Variants in TMEM52B observed in about 807,000 individuals in gnomAD.
TMEM52B encodes chromosome 12 open reading frame 59.
Under a neutral mutation model 16.1 loss-of-function variants are expected in TMEM52B, and 11 were observed. The observed-to-expected ratio is 0.68, with a 90% confidence interval of 0.43 to 1.13. The LOEUF is 1.13. TMEM52B is among the 50% of genes most tolerant of loss of function. The pLI is 0.00. For missense variants in TMEM52B, 243 were observed against 230.4 expected, an observed-to-expected ratio of 1.05 and a Z score of -0.35; for synonymous variants, 101 against 93.8, an observed-to-expected ratio of 1.08 and a Z score of -0.45.
rs1017834055 is a variant in TMEM52B at position 10,179,691 on chromosome 12, A to G, written c.54+63A>G. 7.5e-6 allele frequency: 12 copies of G among 1,600,516 alleles called. No homozygotes were observed. In the Admixed American group the frequency reaches 2.0e-4, roughly 27 times the overall value. ...CCCCAGATTAATCAACTCTCAGAAG[A>G]GTCTGAAAGGAAATGAACTGCGGGG... On this transcript the variant is annotated intron_variant, in intron 1 of 4. Transcript: ENST00000543484.
At chr12:10,184,982 G>C (rs951824903) in intron 2 of TMEM52B, among the ~76,000 whole-genome samples, 1 of 152,088 alleles carries the variant, frequency 6.6e-6, no homozygotes, top group Non-Finnish European at 1.5e-5. Flanking sequence ...AAAGTGCTGG[G>C]ATTACAGGCA....
At chr12:10,188,407 C>T (rs569893781) in intron 4 of TMEM52B, among the ~76,000 whole-genome samples, 5 of 150,556 alleles carry the variant, frequency 3.3e-5, no homozygotes, top group Non-Finnish European at 7.4e-5. Flanking sequence ...TTCAGTGAGC[C>T]GAGATGGCGC....
At position 10,179,680 on chromosome 12, in the gene TMEM52B, A is replaced by G. The variant is rs749434497; in HGVS notation, c.54+52A>G. The G allele has an allele frequency of 1.3e-5, 21 of 1,606,004 alleles. No individual in the cohort carries two copies. In the Admixed American group the frequency reaches 2.3e-4, roughly 18 times the overall value. ...AGAGTATTTTTCCCCAGATTAATCAACTCTCAGAAGAGTCTGAAAGGAAAT... is the reference window on the plus strand; with the variant it reads ...AGAGTATTTTTCCCCAGATTAATCAGCTCTCAGAAGAGTCTGAAAGGAAAT... On this transcript the variant is annotated intron_variant, in intron 1 of 4. Transcript: ENST00000543484.
chr12:10,185,197 T>C (rs1302203634), intron 2 of TMEM52B, 133 bp from the exon 3 acceptor site: 1 of 689,216 alleles, frequency 1.5e-6, no homozygotes. Flanking sequence ...ACAGTGAATT[T>C]TAAAAACATA....
chr12:10,183,828 C>CT, intron 2 of TMEM52B, among the ~76,000 whole-genome samples: 1 of 152,172 alleles, frequency 6.6e-6, no homozygotes, highest in Non-Finnish European at 1.5e-5. Context: ...TTAGGGTACT[C>CT]TTTACGGTGG....
upstream of TMEM52B, among the ~76,000 whole-genome samples, chr12:10,176,446 T>C (rs1348807868): frequency 6.6e-6 from 1 of 152,174 alleles, no homozygotes; most frequent in Non-Finnish European, 1.5e-5. Context: ...AAAAGTGCAA[T>C]GCGAGCGGGG....
intron 4 of TMEM52B, among the ~76,000 whole-genome samples, chr12:10,186,918 A>T (rs1463574552): frequency 6.6e-6 from 1 of 152,152 alleles, no homozygotes; most frequent in Non-Finnish European, 1.5e-5. Context: ...AACGTCTTGG[A>T]TTTTGTGAAA....
At chr12:10,189,781 T>G in intron 4 of TMEM52B, 115 bp from the exon 5 acceptor site, 328 of 1,415,856 alleles carry the variant, frequency 2.3e-4, no homozygotes, top group Non-Finnish European at 2.9e-4. Context: ...GGAGTGACAA[T>G]GAGTTTGGAT....
At chr12:10,174,697 C>T (rs1948753246), upstream of TMEM52B, among the ~76,000 whole-genome samples, 1 of 152,138 alleles carries the variant, frequency 6.6e-6, no homozygotes, top group African/African-American at 2.4e-5. Context: ...ATGTACACAG[C>T]GTATTGATCC....
At chr12:10,174,130 G>A (rs1948748947), upstream of TMEM52B, among the ~76,000 whole-genome samples, 1 of 152,048 alleles carries the variant, frequency 6.6e-6, no homozygotes, top group South Asian at 2.1e-4. Context: ...GCATGATCTC[G>A]GCTCACTGCA....
chr12:10,174,048 T>TTTTG (rs35635554), upstream of TMEM52B, among the ~76,000 whole-genome samples: 63,241 of 150,420 alleles, frequency 0.42, 14,766 homozygotes, highest in African/African-American at 0.63. Flanking sequence ...ATTTCATGTG[T>TTTTG]TTTGTTTGTT....
chr12:10,185,473 C>A, intron 3 of TMEM52B, 105 bp downstream of exon 3: 3 of 828,172 alleles, frequency 3.6e-6, no homozygotes, highest in Admixed American at 1.9e-5. Context: ...GATTTCATTA[C>A]TTCATCACTA....
At position 10,189,068 on chromosome 12, in the gene TMEM52B, G is replaced by C. The variant is rs368801781; in HGVS notation, c.308-828G>C. Among the ~76,000 whole-genome samples the C allele has an allele frequency of 3.5e-5, 5 of 142,882 alleles. No individual in the cohort carries two copies. In the East Asian group the frequency reaches 8.2e-4, roughly 23 times the overall value. 93.7% of individuals were successfully genotyped at this position (142,882 alleles called of 152,430 possible). ...AAAAAAAAATTAGCCAGGCACGTTG[G>C]CACATGCCTGTAATCCCAGCTACTC... On this transcript the variant is annotated intron_variant, in intron 4 of 4. Coordinates refer to ENST00000543484, the MANE Select transcript of TMEM52B (RefSeq NM_001384896.1).
chr12:10,176,003 T>C (rs556576328), upstream of TMEM52B, among the ~76,000 whole-genome samples: 30 of 152,360 alleles, frequency 2.0e-4, no homozygotes, highest in African/African-American at 7.2e-4. Context: ...ATGCACCCTC[T>C]ACTGGTTCCA....
At chr12:10,181,337 CTT>C (rs137874714) in intron 1 of TMEM52B, among the ~76,000 whole-genome samples, 42 of 148,108 alleles carry the variant, frequency 2.8e-4, no homozygotes, top group East Asian at 1.2e-3. Context: ...CATTTGGTCA[CTT>C]TTTTTTTTTT....
intron 4 of TMEM52B, 95 bp downstream of exon 4, chr12:10,186,684 T>G: frequency 7.9e-7 from 1 of 1,262,374 alleles, no homozygotes; most frequent in East Asian, 2.5e-5. Context: ...CGAGTAATAT[T>G]AAAGATTCCA....
chr12:10,186,237 A>C (rs952771903), intron 3 of TMEM52B, among the ~76,000 whole-genome samples, 183 bp from the exon 4 acceptor site: 1 of 152,232 alleles, frequency 6.6e-6, no homozygotes, highest in African/African-American at 2.4e-5. Flanking sequence ...TGCAGCTGAC[A>C]AAATAAGGAG....
intron 1 of TMEM52B, among the ~76,000 whole-genome samples, chr12:10,173,155 G>A (rs2137531836): frequency 1.3e-5 from 2 of 152,246 alleles, no homozygotes; most frequent in East Asian, 3.9e-4. Context: ...AGACCCATAA[G>A]TATGTCTATA....
chr12:10,184,583 C>T (rs543478105), intron 2 of TMEM52B, among the ~76,000 whole-genome samples: 1 of 152,060 alleles, frequency 6.6e-6, no homozygotes, highest in Non-Finnish European at 1.5e-5. Flanking sequence ...TCCTCACCCA[C>T]CCACATCTGG....
Sources: gnomAD v4.1 joint callset for allele counts (sites outside exome capture counted in the v4.1 genomes callset) on GRCh38, gnomAD v4.1.1 for gene constraint, MANE v1.5 for transcripts, NCBI Gene and HGNC (gene_info 2026-07-23, HGNC 2026-07-21) for gene names.